LIMK1: variants seen among roughly 807,000 people sequenced by gnomAD.
LIMK1 encodes the protein LIM domain kinase 1, also known as LIM motif-containing protein kinase.
A neutral mutation model predicts 77.6 loss-of-function variants in LIMK1; 21 were observed. That is an observed-to-expected ratio of 0.27 (90% CI 0.19 to 0.39). The LOEUF (loss-of-function observed/expected upper bound fraction) is 0.39, where lower values mean the gene tolerates loss of function less well. Ranked by LOEUF, LIMK1 falls within the 10% of genes least tolerant of loss-of-function variation. The pLI is 1.00. For missense variants in LIMK1, 696 were observed against 901.6 expected (o/e 0.77, Z 2.92); for synonymous variants, 358 against 370.0 (o/e 0.97, Z 0.37).
chr7:74,093,975 G>A (rs1554695172), intron 2 of LIMK1: 1 of 152,452 alleles, frequency 6.6e-6, no homozygotes, highest in East Asian at 1.9e-4. Flanking sequence ...GGTTCACTGA[G>A]GCCCCGAGCC....
At chr7:74,087,550 A>G (rs1164095930) in intron 2 of LIMK1, among the ~76,000 whole-genome samples, 1 of 152,200 alleles carries the variant, frequency 6.6e-6, no homozygotes, top group Non-Finnish European at 1.5e-5. Flanking sequence ...CAAGACATCC[A>G]CCACTAGGAC....
intron 13 of LIMK1, among the ~76,000 whole-genome samples, chr7:74,118,203 C>T (rs1799855249): frequency 6.6e-6 from 1 of 151,410 alleles, no homozygotes. Context: ...GATGAAACCC[C>T]ATCTCTACTA....
intron 5 of LIMK1, among the ~76,000 whole-genome samples, chr7:74,104,877 G>A (rs1799536643): frequency 6.6e-6 from 1 of 152,076 alleles, no homozygotes; most frequent in Admixed American, 6.6e-5. Flanking sequence ...CCACTAATCC[G>A]GGACCTTTTT....
rs781909440 is a variant in LIMK1, at chr7:74,085,852, G to A, written c.152+8G>A. ...GCACGCAGACTGCTTCAGGTAGGGT[G>A]GGGTGCCCAGGGCCTGTGTTGCCCT... On this transcript the variant is annotated splice_region_variant and intron_variant, in intron 2 of 15. Transcript: ENST00000336180. The A allele has an allele frequency of 1.5e-4, 231 of 1,544,280 alleles. No homozygotes were observed. The highest frequency in any genetic ancestry group is 2.0e-4 in the Non-Finnish European group (229 of 1,143,558).
chr7:74,088,951 C>T (rs1799188510), intron 2 of LIMK1, among the ~76,000 whole-genome samples: 1 of 152,198 alleles, frequency 6.6e-6, no homozygotes, highest in African/African-American at 2.4e-5. Flanking sequence ...GGTCTGAGCT[C>T]ATAGGACCTG....
At chr7:74,101,036 C>T (rs559378760) in intron 5 of LIMK1, among the ~76,000 whole-genome samples, 14 of 146,938 alleles carry the variant, frequency 9.5e-5, no homozygotes, top group Non-Finnish European at 2.1e-4. Context: ...CACGCCCGGC[C>T]CTACCAAGTG....
intron 5 of LIMK1, among the ~76,000 whole-genome samples, chr7:74,104,557 G>A (rs879994684): frequency 3.3e-5 from 5 of 151,756 alleles, no homozygotes; most frequent in Non-Finnish European, 4.4e-5. Context: ...CCTGGGAGGC[G>A]GAAGTTGCAA....
intron 2 of LIMK1, among the ~76,000 whole-genome samples, chr7:74,095,968 C>CTTTTTTTTTTTTTTTTTTTTTTTTTTT (rs869065672): frequency 7.9e-5 from 10 of 127,228 alleles, no homozygotes; most frequent in African/African-American, 1.7e-4. Context: ...TTTTCTTTTT[C>CTTTTTTTTTTTTTTTTTTTTTTTTTTT]TTTTTTTTTT....
At position 74,096,604 on chromosome 7, in the gene LIMK1, C is replaced by T. The variant is rs1554695629; in HGVS notation, c.153-18C>T. ...GGAGGGCGGGAGTGGACGTCTCAGC[C>T]CGGCCCCTCTCCTGCAGGTGTTGTG... On this transcript the variant is annotated intron_variant, in intron 2 of 15. Transcript: ENST00000336180. 2.5e-6 allele frequency: 4 copies of T among 1,613,854 alleles called. No individual in the cohort carries two copies. The highest frequency in any genetic ancestry group is 3.4e-6 in the Non-Finnish European group (4 of 1,179,996).
intron 5 of LIMK1, among the ~76,000 whole-genome samples, chr7:74,102,314 GTCTC>G (rs374881434): frequency 6.6e-6 from 1 of 151,848 alleles, no homozygotes; most frequent in Non-Finnish European, 1.5e-5. Context: ...TTATATGTGT[GTCTC>G]TCTATATATA....
chr7:74,120,992 G>GC lies in LIMK1; in HGVS notation c.1730dup (p.Ser578GlufsTer67), dbSNP rs781852315. 1 of 1,607,316 alleles carries GC rather than the reference G, an allele frequency of 6.2e-7. No homozygotes were observed. Among genetic ancestry groups the GC allele is most frequent in the Non-Finnish European group, 8.5e-7 (1 of 1,177,046 alleles). ...CTGGACCGCTACTGCCCCCCAAACT[G>GC]CCCCCCGAGCTTCTTCCCCATCACC... is the stretch of plus-strand genomic sequence containing the variant. On this transcript the variant is annotated frameshift_variant, in exon 15 of 16. Transcript: ENST00000336180. LOFTEE classifies it high-confidence loss of function.
chr7:74,116,703 C>CTTT (rs201510427), intron 13 of LIMK1, among the ~76,000 whole-genome samples: 25 of 145,302 alleles, frequency 1.7e-4, no homozygotes, highest in Non-Finnish European at 2.4e-4. Context: ...AACCTTCCTC[C>CTTT]TTTTTTTTTT....
At chr7:74,107,589 A>G (rs1013019405) in intron 8 of LIMK1, among the ~76,000 whole-genome samples, 6 of 151,622 alleles carry the variant, frequency 4.0e-5, no homozygotes, top group African/African-American at 1.5e-4. Flanking sequence ...AGGCTTAGGC[A>G]GGAGGATTGT....
intron 5 of LIMK1, among the ~76,000 whole-genome samples, chr7:74,105,596 G>T (rs1008534375): frequency 8.5e-5 from 13 of 152,072 alleles, no homozygotes; most frequent in African/African-American, 3.1e-4. Flanking sequence ...TGGAGACAAT[G>T]GTCCATTGAA....
Position 74,099,074 on chromosome 7 carries a change from G to A in LIMK1, c.444G>A (p.Glu148=). 6.2e-7 allele frequency: 1 copy of A among 1,613,248 alleles called. No homozygotes were observed. The highest frequency in any genetic ancestry group is 8.5e-7 in the Non-Finnish European group (1 of 1,180,020). The stretch of plus-strand genomic sequence containing the variant: ...AGACTGTGGTGACCCCCGTCATCGA[G>A]CAGATCCTGCCTGACTCCCCTGGCT... ...YYQTVVTPVI[E]QILPDSPGSH... is the part of the protein sequence containing the mutation. The change falls in exon 5 of 16, where the codon GAG becomes GAA. Residue 148 remains glutamate, a synonymous_variant. Transcript: ENST00000336180.
chr7:74,096,255 G>A (rs1256119556), intron 2 of LIMK1, among the ~76,000 whole-genome samples: 4 of 151,486 alleles, frequency 2.6e-5, no homozygotes, highest in South Asian at 2.1e-4. Flanking sequence ...GTGAGCCACC[G>A]CTTTGGGAGG....
chr7:74,090,444 TG>T (rs1226662683), intron 2 of LIMK1, among the ~76,000 whole-genome samples: 1 of 152,016 alleles, frequency 6.6e-6, no homozygotes, highest in Admixed American at 6.6e-5. Flanking sequence ...CCTCGTGGCT[TG>T]TGGGTGTGAT....
At position 74,107,084 on chromosome 7, in the gene LIMK1, G is replaced by A. The variant is rs782046802; in HGVS notation, c.956G>A (p.Gly319Asp). The change falls in exon 8 of 16, where the codon GGT becomes GAT. Residue 319 changes from glycine to aspartate, a missense_variant. Gly to Asp is a moderately conservative substitution (Grantham distance 94). Coordinates refer to ENST00000336180, the MANE Select transcript of LIMK1 (RefSeq NM_002314.4). ...GSPASQRKDL[G>D]RSESLRVVCR... ...CCGGCCTCCCAGCGCAAGGACCTGG[G>A]TCGCTCTGAGTCCCTCCGCGTAGTC... is the stretch of plus-strand genomic sequence containing the variant. 1 of 1,610,586 alleles carries A rather than the reference G, an allele frequency of 6.2e-7. No individual in the cohort carries two copies. The highest frequency in any genetic ancestry group is 8.5e-7 in the Non-Finnish European group (1 of 1,179,242).
chr7:74,107,247 T>A (rs560440947), intron 8 of LIMK1, 54 bp downstream of exon 8: 1 of 1,510,400 alleles, frequency 6.6e-7, no homozygotes, highest in African/African-American at 1.4e-5. Context: ...CCCTCCATCC[T>A]CCTTCCTTCC....
Sources: allele counts gnomAD v4.1 joint callset (sites outside exome capture counted in the v4.1 genomes callset), GRCh38; gene constraint gnomAD v4.1.1; transcripts MANE v1.5; gene names NCBI Gene and HGNC (gene_info 2026-07-23, HGNC 2026-07-21).